The following FGL1 variants were observed in gnomAD, a reference collection of about 807,000 sequenced individuals.
FGL1 encodes fibrinogen-like protein 1.
FGL1 carries 59 observed loss-of-function variants against 43.7 expected under a neutral mutation model. The observed-to-expected ratio is 1.35, with a 90% CI of 1.10 to 1.68. The LOEUF is 1.68. Among genes scored for constraint, FGL1 ranks in the 40% most tolerant of loss-of-function variants. The pLI is 0.00. For missense variants in FGL1, 596 were observed against 373.0 expected, an observed-to-expected ratio of 1.60 and a Z score of -4.92; for synonymous variants, 192 against 126.5, an observed-to-expected ratio of 1.52 and a Z score of -3.48.
intron 5 of FGL1, among the ~76,000 whole-genome samples, chr8:17,872,793 A>G (rs3913552): frequency 0.044 from 6,716 of 152,308 alleles, 474 homozygotes; most frequent in African/African-American, 0.15. Context: ...CGTTATCAAA[A>G]CAATGATATT....
chr8:17,882,974 TTA>T (rs2053565120), intron 2 of FGL1, among the ~76,000 whole-genome samples: 1 of 98,750 alleles, frequency 1.0e-5, no homozygotes, highest in Non-Finnish European at 1.7e-5. Context: ...ATATAATATA[TTA>T]AATATATAAT....
chr8:17,875,552 T>C (rs1174450857), intron 3 of FGL1, among the ~76,000 whole-genome samples: 263 of 13,628 alleles, frequency 0.019, 14 homozygotes, highest in African/African-American at 0.042. Context: ...TTTCTTTCTT[T>C]CTTTCTTTCT....
At chr8:17,874,184 A>C (rs188608946) in intron 4 of FGL1, 68 bp from the exon 5 acceptor site, 1 of 1,351,596 alleles carries the variant, frequency 7.4e-7, no homozygotes, top group African/African-American at 1.5e-5. Context: ...ACCACCACCC[A>C]CCCCCTGCTA....
Position 17,864,557 on chromosome 8 carries a change from G to C in FGL1, c.*35C>G, listed in dbSNP as rs765493528. ...TATTTTTCAAATCACTTTAAACAAA[G>C]CTGAATTGCAGAAACGAAAGCCCAA... On this transcript the variant is annotated 3_prime_UTR_variant, in exon 8 of 8. Coordinates refer to ENST00000427924, the MANE Select transcript of FGL1 (RefSeq NM_004467.4). 1.9e-6 allele frequency: 3 copies of C among 1,582,376 alleles called. No individual in the cohort carries two copies. Among genetic ancestry groups the C allele is most frequent in the Non-Finnish European group, 2.6e-6 (3 of 1,167,108 alleles).
At chr8:17,878,805 A>C (rs1161466208) in intron 3 of FGL1, among the ~76,000 whole-genome samples, 1 of 152,044 alleles carries the variant, frequency 6.6e-6, no homozygotes, top group Admixed American at 6.6e-5. Context: ...ATATTTCTAC[A>C]GATTATATGT....
Position 17,866,401 on chromosome 8 carries a change from G to C in FGL1, c.780-1650C>G, listed in dbSNP as rs533572613. ...TATTTATGAAGTGCCAACATTTCAT[G>C]TAAATTAGAAGAACTATGGGACAGA... On this transcript the variant is annotated intron_variant, in intron 7 of 7. Transcript: ENST00000427924. Among the ~76,000 whole-genome samples, 3 of 152,236 alleles carry C rather than the reference G, an allele frequency of 2.0e-5. No homozygotes were observed. In the East Asian group the frequency reaches 5.8e-4, roughly 29 times the overall value.
chr8:17,879,608 T>C (rs113567067), intron 3 of FGL1, among the ~76,000 whole-genome samples: 4 of 152,116 alleles, frequency 2.6e-5, no homozygotes, highest in Non-Finnish European at 5.9e-5. Flanking sequence ...GTTCCCACCA[T>C]GTGAGATGTG....
At chr8:17,885,465 T>C (rs762171697) in intron 2 of FGL1, 27 bp downstream of exon 2, 7 of 1,551,322 alleles carry the variant, frequency 4.5e-6, no homozygotes, top group Non-Finnish European at 6.2e-6. Context: ...ATTATAAATA[T>C]GACAATAGTT....
At chr8:17,885,681 T>G in intron 1 of FGL1, 110 bp from the exon 2 acceptor site, 1 of 811,646 alleles carries the variant, frequency 1.2e-6, no homozygotes, top group Non-Finnish European at 2.0e-6. Context: ...AGGCCATCCC[T>G]AATCTTAGAG....
intron 3 of FGL1, among the ~76,000 whole-genome samples, chr8:17,875,170 T>C (rs1485032342): frequency 6.6e-6 from 1 of 152,200 alleles, no homozygotes; most frequent in Non-Finnish European, 1.5e-5. Flanking sequence ...ATAGTAATCT[T>C]GTAAAAATCT....
intron 6 of FGL1, 42 bp from the exon 7 acceptor site, chr8:17,868,777 A>G (rs1038584602): frequency 8.4e-6 from 13 of 1,545,166 alleles, no homozygotes; most frequent in Non-Finnish European, 1.1e-5. Flanking sequence ...GAGTTCCTCT[A>G]TGACCATTTT....
intron 3 of FGL1, among the ~76,000 whole-genome samples, chr8:17,878,203 C>G (rs528957048): frequency 6.6e-6 from 1 of 152,134 alleles, no homozygotes; most frequent in Non-Finnish European, 1.5e-5. Context: ...CCTCCCACCT[C>G]GGCCTCTCAA....
At chr8:17,890,729 G>A (rs149597525) in intron 1 of FGL1, among the ~76,000 whole-genome samples, 3 of 152,288 alleles carry the variant, frequency 2.0e-5, no homozygotes, top group Admixed American at 6.5e-5. Flanking sequence ...GAGGCCCCAG[G>A]AAACTTACAG....
At chr8:17,875,543 T>TTCTTTCTCTCTCTCTCTCTCTC (rs1563452422) in intron 3 of FGL1, among the ~76,000 whole-genome samples, 2 of 16,828 alleles carry the variant, frequency 1.2e-4, no homozygotes, top group African/African-American at 3.3e-4. Context: ...TTCTCTTTCT[T>TTCTTTCTCTCTCTCTCTCTCTC]TCTTTCTTTC....
rs36035442 is a variant in FGL1 at position 17,869,472 on chromosome 8, C to T, written c.503-468G>A. Among the ~76,000 whole-genome samples the T allele has an allele frequency of 4.5e-3, 691 of 152,236 alleles. 2 individuals carry two copies. The highest frequency in any genetic ancestry group is 0.015 in the African/African-American group (631 of 41,540). On this transcript the variant is annotated intron_variant, in intron 5 of 7. Coordinates refer to ENST00000427924, the MANE Select transcript of FGL1 (RefSeq NM_004467.4). ...GGTTTGTAAAATGTAGTTGCCATTG[C>T]CTGCATATGCCTGAACTTGGTTATT...
chr8:17,866,134 C>G (rs1350120831), intron 7 of FGL1, among the ~76,000 whole-genome samples: 2 of 152,088 alleles, frequency 1.3e-5, no homozygotes, highest in African/African-American at 4.8e-5. Context: ...TCATTTGAAT[C>G]CCATTAGGAA....
At chr8:17,893,444 A>G (rs1165848482) in intron 1 of FGL1, among the ~76,000 whole-genome samples, 1 of 150,082 alleles carries the variant, frequency 6.7e-6, no homozygotes, top group East Asian at 1.9e-4. Flanking sequence ...TATACATTAT[A>G]TAAGGTATAT....
intron 1 of FGL1, chr8:17,885,852 A>G (rs1452961626): frequency 6.9e-6 from 2 of 289,314 alleles, no homozygotes; most frequent in Non-Finnish European, 1.3e-5. Context: ...GGAAAGGCAC[A>G]GGAGCATTTT....
In FGL1 at chr8:17,885,482, A is replaced by G. The variant is rs1372690497; in HGVS notation, c.63+10T>C. On this transcript the variant is annotated intron_variant, in intron 2 of 7. Coordinates refer to ENST00000427924, the MANE Select transcript of FGL1 (RefSeq NM_004467.4). The stretch of plus-strand genomic sequence containing the variant: ...TATAAATATGACAATAGTTTTCCCA[A>G]GAAGCTTACCGAAATTTCCCTGCCC... The G allele has an allele frequency of 6.2e-7, 1 of 1,605,622 alleles. No individual in the cohort carries two copies. The highest frequency in any genetic ancestry group is 1.3e-5 in the African/African-American group (1 of 74,800).
Sources: allele counts gnomAD v4.1 joint callset (sites outside exome capture counted in the v4.1 genomes callset), GRCh38; gene constraint gnomAD v4.1.1; transcripts MANE v1.5; gene names NCBI Gene and HGNC (gene_info 2026-07-23, HGNC 2026-07-21).